Variants in DLGAP1 observed in about 807,000 individuals in gnomAD.
The protein encoded by DLGAP1 is DLG associated protein 1, also known as disks large-associated protein 1.
In DLGAP1, 11 loss-of-function variants were observed where a neutral mutation model predicts 90.8. That is an observed-to-expected ratio of 0.12 (90% confidence interval 0.08 to 0.20). The LOEUF is 0.20. Among genes scored for constraint, DLGAP1 ranks in the 10% least tolerant of loss-of-function variants. DLGAP1 has a pLI of 1.00. For missense variants in DLGAP1, 1,050 were observed against 1,333.8 expected, an observed-to-expected ratio of 0.79 and a Z score of 3.31; for synonymous variants, 558 against 540.7, an observed-to-expected ratio of 1.03 and a Z score of -0.44.
intron 3 of DLGAP1, among the ~76,000 whole-genome samples, chr18:3,931,503 T>C (rs559097709): frequency 1.3e-4 from 20 of 152,180 alleles, no homozygotes; most frequent in Non-Finnish European, 2.6e-4. Flanking sequence ...TCTAGATTCC[T>C]GGGCCCTGTT....
At chr18:4,379,915 A>C (rs117636623) in intron 1 of DLGAP1, among the ~76,000 whole-genome samples, 28 of 152,330 alleles carry the variant, frequency 1.8e-4, no homozygotes, top group Non-Finnish European at 3.8e-4. Flanking sequence ...ATTTAAGCCA[A>C]TTTTGAAAAA....
chr18:3,522,103 T>C (rs2051233928), intron 10 of DLGAP1, among the ~76,000 whole-genome samples: 1 of 151,674 alleles, frequency 6.6e-6, no homozygotes, highest in South Asian at 2.1e-4. Context: ...TTTTGCCTTT[T>C]TTTTTTTACC....
intron 7 of DLGAP1, among the ~76,000 whole-genome samples, chr18:3,585,447 A>G (rs2055823476): frequency 6.6e-6 from 1 of 152,242 alleles, no homozygotes; most frequent in Non-Finnish European, 1.5e-5. Context: ...GAATGAAACT[A>G]CAGCATTGTA....
intron 7 of DLGAP1, among the ~76,000 whole-genome samples, chr18:3,692,659 G>GCTACTCAGT (rs2060939508): frequency 2.0e-5 from 3 of 152,290 alleles, no homozygotes; most frequent in Admixed American, 2.0e-4. Context: ...CTCTTTGCTA[G>GCTACTCAGT]CTACTCAGTA....
intron 2 of DLGAP1, among the ~76,000 whole-genome samples, chr18:4,057,406 AAC>A (rs2075236598): frequency 6.6e-6 from 1 of 152,188 alleles, no homozygotes; most frequent in African/African-American, 2.4e-5. Flanking sequence ...AACTCCAGTA[AAC>A]ACACTGTGTG....
intron 1 of DLGAP1, among the ~76,000 whole-genome samples, chr18:4,363,574 C>A (rs1750358266): frequency 6.6e-6 from 1 of 152,098 alleles, no homozygotes; most frequent in Admixed American, 6.5e-5. Flanking sequence ...AAACAAACAA[C>A]CCCATCAAAA....
Position 4,084,853 on chromosome 18 carries a change from A to T in DLGAP1, c.-159+66327T>A, listed in dbSNP as rs1446512071. Among the ~76,000 whole-genome samples the T allele has an allele frequency of 6.6e-6, 1 of 152,202 alleles. No homozygotes were observed. The highest frequency in any genetic ancestry group is 1.5e-5 in the Non-Finnish European group (1 of 68,024). On this transcript the variant is annotated intron_variant, in intron 2 of 12. Coordinates refer to ENST00000315677, the MANE Select transcript of DLGAP1 (RefSeq NM_004746.4). The surrounding 1 kb of genome is among the most constrained non-coding windows in gnomAD (Gnocchi z 4.0). The stretch of plus-strand genomic sequence containing the variant: ...TTTTTAGACCCAGCCAAGGGACCCT[A>T]GGAAGAGTGAAGGAAAGCCTTTCCT...
intron 5 of DLGAP1, among the ~76,000 whole-genome samples, chr18:3,797,241 G>C (rs2066040296): frequency 6.6e-6 from 1 of 151,826 alleles, no homozygotes. Context: ...CAGGGGAATT[G>C]CTTTAACCCG....
chr18:3,859,394 G>A (rs551228704), intron 4 of DLGAP1, among the ~76,000 whole-genome samples: 2 of 152,320 alleles, frequency 1.3e-5, no homozygotes, highest in East Asian at 3.9e-4. Context: ...AGATTCTGTA[G>A]TAGGCAGATT....
intron 1 of DLGAP1, among the ~76,000 whole-genome samples, chr18:4,343,861 T>C (rs1309752980): frequency 6.6e-6 from 1 of 152,230 alleles, no homozygotes; most frequent in Non-Finnish European, 1.5e-5. Context: ...ATGGAAGTTG[T>C]ATAATCTCCT....
intron 1 of DLGAP1, among the ~76,000 whole-genome samples, chr18:4,449,072 A>G (rs1427881476): frequency 6.6e-6 from 1 of 152,224 alleles, no homozygotes; most frequent in Non-Finnish European, 1.5e-5. Flanking sequence ...CAGAAAATGA[A>G]AAACAAAACT....
At chr18:4,139,511 T>C (rs1239097856) in intron 2 of DLGAP1, among the ~76,000 whole-genome samples, 1 of 152,032 alleles carries the variant, frequency 6.6e-6, no homozygotes, top group Non-Finnish European at 1.5e-5. Context: ...TCTTGATGTT[T>C]TAAGACTTGC....
intron 1 of DLGAP1, among the ~76,000 whole-genome samples, chr18:4,196,638 A>T (rs1302350468): frequency 6.6e-6 from 1 of 152,218 alleles, no homozygotes; most frequent in Non-Finnish European, 1.5e-5. Flanking sequence ...AGCACAAGAG[A>T]CATGTGAGGA....
Position 4,192,510 on chromosome 18 carries a change from T to C in DLGAP1, c.-266-41223A>G, listed in dbSNP as rs542222954. 1.7e-4 allele frequency among the ~76,000 whole-genome samples: 26 copies of C among 152,256 alleles called. No individual in the cohort carries two copies. The East Asian group carries it at 3.3e-3, about 19-fold the overall frequency. ...ACTTATCCTGTAACCCCAACTAACTTGAAGTTCCCCTCTACCCTGCTCCGA... is the reference window on the plus strand; with the variant it reads ...ACTTATCCTGTAACCCCAACTAACTCGAAGTTCCCCTCTACCCTGCTCCGA... On this transcript the variant is annotated intron_variant, in intron 1 of 12. Coordinates refer to ENST00000315677, the MANE Select transcript of DLGAP1 (RefSeq NM_004746.4).
chr18:3,694,831 G>T (rs1041607075), intron 7 of DLGAP1, among the ~76,000 whole-genome samples: 1 of 151,794 alleles, frequency 6.6e-6, no homozygotes, highest in Non-Finnish European at 1.5e-5. Context: ...TCTGTAGGTT[G>T]TCTGCTCACT....
At chr18:4,307,662 C>T (rs1408231158) in intron 1 of DLGAP1, among the ~76,000 whole-genome samples, 1 of 151,438 alleles carries the variant, frequency 6.6e-6, no homozygotes, top group Non-Finnish European at 1.5e-5. Context: ...TCTCTGCACT[C>T]TGCCCCGCCA....
At chr18:3,932,095 G>T (rs961614179) in intron 3 of DLGAP1, among the ~76,000 whole-genome samples, 7 of 152,278 alleles carry the variant, frequency 4.6e-5, no homozygotes, top group East Asian at 1.9e-4. Flanking sequence ...TTGCGTGAGG[G>T]TGTCTAAAAT....
intron 7 of DLGAP1, among the ~76,000 whole-genome samples, chr18:3,702,105 G>A (rs186819047): frequency 6.6e-6 from 1 of 152,238 alleles, no homozygotes; most frequent in East Asian, 1.9e-4. Flanking sequence ...ATGCTGGAGG[G>A]CAATGGCACA....
chr18:3,892,059 G>GA (rs1568283164), intron 3 of DLGAP1: 1 of 147,342 alleles, frequency 6.8e-6, no homozygotes, highest in Admixed American at 6.9e-5. Context: ...ACTAAATTTT[G>GA]AACACAGCAT....
Sources: allele counts gnomAD v4.1 joint callset (sites outside exome capture counted in the v4.1 genomes callset), GRCh38; gene constraint gnomAD v4.1.1; non-coding constraint Gnocchi (gnomAD v3.1); transcripts MANE v1.5; gene names NCBI Gene and HGNC (gene_info 2026-07-23, HGNC 2026-07-21).